The following SEMA3A variants were observed in gnomAD, a reference collection of about 807,000 sequenced individuals.
The protein encoded by SEMA3A is semaphorin 3A.
In SEMA3A, 29 loss-of-function variants were observed where a neutral mutation model predicts 97.9. That is an observed-to-expected ratio of 0.30 (90% CI 0.22 to 0.40). The LOEUF (loss-of-function observed/expected upper bound fraction) is 0.40, where lower values mean the gene tolerates loss of function less well. Among genes scored for constraint, SEMA3A ranks in the 10% least tolerant of loss-of-function variants. SEMA3A has a pLI of 1.00. For synonymous variants in SEMA3A, 321 were observed against 323.7 expected (o/e 0.99, Z 0.09); for missense variants, 763 against 951.3 (o/e 0.80, Z 2.60).
chr7:84,358,019 G>T (rs1241385041), intron 2 of SEMA3A, among the ~76,000 whole-genome samples: 1 of 152,124 alleles, frequency 6.6e-6, no homozygotes, highest in Non-Finnish European at 1.5e-5. Context: ...TGAGTTCTTT[G>T]TAGATACTGG....
Position 84,052,398 on chromosome 7 carries a change from T to G in SEMA3A, c.548-5955A>C, listed in dbSNP as rs1214837283. Among the ~76,000 whole-genome samples the G allele has an allele frequency of 5.9e-5, 9 of 152,326 alleles. No homozygotes were observed. In the East Asian group the frequency reaches 1.7e-3, roughly 29 times the overall value. On this transcript the variant is annotated intron_variant, in intron 5 of 16. Transcript: ENST00000265362. ...TTGCCACAATTTCAGATCCTGTTAT[T>G]GGTCTATTCAGAGATTCAGCTTCTT...
At chr7:84,424,560 TAATATATAAATATTAATATATATTA>T (rs1414877843) in intron 1 of SEMA3A, among the ~76,000 whole-genome samples, 8,510 of 70,314 alleles carry the variant, frequency 0.12, 1,094 homozygotes, top group African/African-American at 0.31. Context: ...ATATTATATA[TAATATATAAATATTAATATATATTA>T]TATATAATAT....
chr7:84,351,898 A>G (rs552581420), intron 2 of SEMA3A, among the ~76,000 whole-genome samples: 67 of 152,236 alleles, frequency 4.4e-4, no homozygotes, highest in Non-Finnish European at 8.1e-4. Flanking sequence ...GGAAATCAGT[A>G]TATCAAAGGG....
intron 9 of SEMA3A, among the ~76,000 whole-genome samples, chr7:84,007,786 CAAAT>C (rs1276206603): frequency 6.6e-6 from 1 of 152,032 alleles, no homozygotes; most frequent in Non-Finnish European, 1.5e-5. Context: ...ATAGGAAAAA[CAAAT>C]ACATATAAAC....
chr7:84,473,157 T>C (rs1439002206), intron 1 of SEMA3A, among the ~76,000 whole-genome samples: 1 of 151,492 alleles, frequency 6.6e-6, no homozygotes, highest in African/African-American at 2.4e-5. Flanking sequence ...TGTGTGTGTG[T>C]GTGTGTGTGT....
intron 2 of SEMA3A, among the ~76,000 whole-genome samples, chr7:84,131,119 G>A (rs149007599): frequency 6.5e-4 from 99 of 151,922 alleles, no homozygotes; most frequent in African/African-American, 2.1e-3. Flanking sequence ...AATAATAATA[G>A]CAAATAAAAG....
intron 2 of SEMA3A, among the ~76,000 whole-genome samples, chr7:84,364,397 T>C (rs1231062115): frequency 6.6e-6 from 1 of 151,800 alleles, no homozygotes; most frequent in Non-Finnish European, 1.5e-5. Flanking sequence ...TGTTATTAAG[T>C]ATTTACTTCT....
chr7:84,149,468 C>A (rs1333998552), intron 1 of SEMA3A, among the ~76,000 whole-genome samples: 1 of 152,166 alleles, frequency 6.6e-6, no homozygotes, highest in Admixed American at 6.5e-5. Context: ...AATCCCTGCT[C>A]TCCCAGGACC....
intron 1 of SEMA3A, among the ~76,000 whole-genome samples, chr7:84,136,960 A>AGGGAG (rs376783412): frequency 7.1e-6 from 1 of 141,106 alleles, no homozygotes; most frequent in Admixed American, 7.2e-5. Flanking sequence ...GAGGGAGGGA[A>AGGGAG]GAAGGAAGGA....
At chr7:84,419,967 A>T (rs1348696038) in intron 1 of SEMA3A, among the ~76,000 whole-genome samples, 1 of 152,182 alleles carries the variant, frequency 6.6e-6, no homozygotes, top group Non-Finnish European at 1.5e-5. Flanking sequence ...AGCTGAACAC[A>T]CGCTAAAGGA....
At chr7:84,260,567 C>T (rs1314226026) in intron 3 of SEMA3A, among the ~76,000 whole-genome samples, 6 of 152,204 alleles carry the variant, frequency 3.9e-5, no homozygotes, top group South Asian at 4.1e-4. Flanking sequence ...TCCCCACTCC[C>T]GGCACCTACT....
intron 1 of SEMA3A, among the ~76,000 whole-genome samples, chr7:84,166,646 G>A (rs1797217338): frequency 6.6e-6 from 1 of 151,874 alleles, no homozygotes; most frequent in Admixed American, 6.6e-5. Context: ...GCCAAGGTGG[G>A]TGGATCACGA....
chr7:84,359,306 C>A (rs13437669), intron 2 of SEMA3A, among the ~76,000 whole-genome samples: 42,787 of 150,596 alleles, frequency 0.28, 6,510 homozygotes, highest in African/African-American at 0.38. Context: ...ATTTTGAGAT[C>A]TGTCCCATCA....
intron 1 of SEMA3A, among the ~76,000 whole-genome samples, chr7:84,151,380 C>G (rs1011201355): frequency 5.3e-5 from 8 of 151,308 alleles, no homozygotes; most frequent in East Asian, 1.9e-4. Context: ...ATAACCAATA[C>G]AGAGAAGTGC....
intron 1 of SEMA3A, among the ~76,000 whole-genome samples, chr7:84,400,571 T>C (rs900137748): frequency 1.9e-4 from 29 of 152,270 alleles, no homozygotes; most frequent in Non-Finnish European, 2.6e-4. Context: ...AAAGTCAGGA[T>C]ACTTGAAAGT....
chr7:84,260,986 G>A (rs1027693299), intron 3 of SEMA3A, among the ~76,000 whole-genome samples: 2 of 152,008 alleles, frequency 1.3e-5, no homozygotes, highest in Admixed American at 1.3e-4. Context: ...GCTGTCCATG[G>A]ACTAATCAAC....
chr7:84,465,770 T>C (rs185789328), intron 1 of SEMA3A, among the ~76,000 whole-genome samples: 2 of 152,246 alleles, frequency 1.3e-5, no homozygotes, highest in East Asian at 1.9e-4. Context: ...ATCTACCAAA[T>C]CTACTCTACT....
intron 4 of SEMA3A, among the ~76,000 whole-genome samples, chr7:84,079,147 GT>G (rs900486877): frequency 6.6e-6 from 1 of 151,738 alleles, no homozygotes; most frequent in Non-Finnish European, 1.5e-5. Context: ...CATTTAATTT[GT>G]TTTTTTAACT....
intron 4 of SEMA3A, among the ~76,000 whole-genome samples, chr7:84,085,699 A>G (rs984739664): frequency 1.3e-5 from 2 of 152,152 alleles, no homozygotes; most frequent in Non-Finnish European, 2.9e-5. Flanking sequence ...CCTTTATTTT[A>G]TCCTAATTTT....
Sources: allele counts gnomAD v4.1 joint callset (sites outside exome capture counted in the v4.1 genomes callset), GRCh38; gene constraint gnomAD v4.1.1; transcripts MANE v1.5; gene names NCBI Gene and HGNC (gene_info 2026-07-23, HGNC 2026-07-21).